Variants in LARGE1 observed in about 807,000 individuals in gnomAD.
The protein encoded by LARGE1 is LARGE xylosyl- and glucuronyltransferase 1, also known as xylosyl- and glucuronyltransferase LARGE1.
Under a neutral mutation model 87.6 loss-of-function variants are expected in LARGE1, and 43 were observed. The ratio of observed to expected loss-of-function variants is 0.49; its 90% CI spans 0.38 to 0.63. LARGE1 has a LOEUF of 0.63. Ranked by LOEUF, LARGE1 falls within the 30% of genes least tolerant of loss-of-function variation. LARGE1 has a pLI of 0.00. For missense variants in LARGE1, 802 were observed against 1,000.2 expected, an observed-to-expected ratio of 0.80 and a Z score of 2.67; for synonymous variants, 434 against 394.6, an observed-to-expected ratio of 1.10 and a Z score of -1.18.
intron 2 of LARGE1, among the ~76,000 whole-genome samples, chr22:33,662,481 T>G (rs979132370): frequency 6.6e-6 from 1 of 152,046 alleles, no homozygotes; most frequent in Non-Finnish European, 1.5e-5. Context: ...TCCCCACCCC[T>G]TGCCTAGCCT....
intron 11 of LARGE1, among the ~76,000 whole-genome samples, chr22:33,258,654 G>A (rs1927447193): frequency 6.6e-6 from 1 of 152,168 alleles, no homozygotes; most frequent in Non-Finnish European, 1.5e-5. Flanking sequence ...CCAATATCTT[G>A]AGAACAGAGG....
At chr22:33,124,247 G>A in the LARGE1 span, among the ~76,000 whole-genome samples, 329 of 151,866 alleles carry the variant, frequency 2.2e-3, no homozygotes, top group African/African-American at 6.8e-3. Flanking sequence ...AGGTTGCAGT[G>A]AGCCAAGATC....
intron 1 of LARGE1, among the ~76,000 whole-genome samples, chr22:33,802,364 G>A (rs552352529): frequency 1.3e-5 from 2 of 152,310 alleles, no homozygotes; most frequent in South Asian, 4.1e-4. Context: ...AGACTAGACA[G>A]GCTGGGAGTC....
intron 1 of LARGE1, among the ~76,000 whole-genome samples, chr22:33,868,940 T>C (rs2064190712): frequency 6.6e-6 from 1 of 152,110 alleles, no homozygotes; most frequent in Non-Finnish European, 1.5e-5. Flanking sequence ...AATTCTAAGA[T>C]GCCAGGCACT....
chr22:33,419,753 C>T (rs762862072), intron 7 of LARGE1, among the ~76,000 whole-genome samples: 7 of 152,216 alleles, frequency 4.6e-5, no homozygotes, highest in Admixed American at 1.3e-4. Flanking sequence ...TGTAGTGGCA[C>T]GATCTCAGCT....
intron 11 of LARGE1, among the ~76,000 whole-genome samples, chr22:33,194,675 G>A (rs1457858130): frequency 6.6e-6 from 1 of 152,122 alleles, no homozygotes; most frequent in Non-Finnish European, 1.5e-5. Context: ...TTGGTTTGTT[G>A]CTTCTTCTCT....
intron 3 of LARGE1, among the ~76,000 whole-genome samples, chr22:33,643,441 G>GC (rs2080506746): frequency 6.6e-6 from 1 of 152,180 alleles, no homozygotes; most frequent in South Asian, 2.1e-4. Flanking sequence ...ACAACAGAAA[G>GC]CAGGAAAGAT....
intron 5 of LARGE1, among the ~76,000 whole-genome samples, chr22:33,581,945 A>C (rs2078533402): frequency 1.3e-5 from 2 of 152,180 alleles, no homozygotes; most frequent in African/African-American, 4.8e-5. Context: ...GAATAAAATG[A>C]CACAAATCCA....
At chr22:33,441,324 T>C (rs2067468893) in intron 6 of LARGE1, among the ~76,000 whole-genome samples, 1 of 152,106 alleles carries the variant, frequency 6.6e-6, no homozygotes, top group Non-Finnish European at 1.5e-5. Context: ...TCCGCCCACC[T>C]CGGCCTCCCA....
intron 1 of LARGE1, among the ~76,000 whole-genome samples, chr22:33,785,369 T>C (rs2085608404): frequency 6.6e-6 from 1 of 152,080 alleles, no homozygotes. Context: ...TATTCAGATG[T>C]TACACAACTC....
At chr22:33,245,690 C>T (rs1040970818) in intron 11 of LARGE1, among the ~76,000 whole-genome samples, 5 of 152,212 alleles carry the variant, frequency 3.3e-5, no homozygotes, top group African/African-American at 1.2e-4. Flanking sequence ...GCACAGATCA[C>T]CTGAGGTCTG....
intron 1 of LARGE1, among the ~76,000 whole-genome samples, chr22:33,894,603 C>T (rs1024229046): frequency 2.6e-5 from 4 of 152,164 alleles, no homozygotes; most frequent in African/African-American, 9.7e-5. Context: ...GACATGGGAG[C>T]TGGCAGAAAA....
intron 4 of LARGE1, among the ~76,000 whole-genome samples, chr22:33,618,846 C>T (rs960545196): frequency 3.2e-4 from 48 of 152,220 alleles, no homozygotes; most frequent in African/African-American, 1.1e-3. Context: ...CCTAATTAAT[C>T]CACATCCTTC....
intron 11 of LARGE1, among the ~76,000 whole-genome samples, chr22:33,175,545 C>G (rs933646497): frequency 6.6e-6 from 1 of 152,076 alleles, no homozygotes; most frequent in African/African-American, 2.4e-5. Flanking sequence ...TGAGTGAACT[C>G]CCATTCACAA....
chr22:33,422,489 C>A (rs144271638), intron 7 of LARGE1, among the ~76,000 whole-genome samples: 3 of 150,658 alleles, frequency 2.0e-5, no homozygotes, highest in African/African-American at 7.3e-5. Context: ...AGACAGAGAA[C>A]GAGCTTGGAA....
chr22:33,483,585 T>C lies in LARGE1; in HGVS notation c.788-51320A>G, dbSNP rs899532479. On this transcript the variant is annotated intron_variant, in intron 6 of 14. Transcript: ENST00000397394. ...CTAGGCATTTAAGGAAAGAAACAGGTGAGTGTGGGCAAGGAAGTAGCCAAG... is the reference window on the plus strand; with the variant it reads ...CTAGGCATTTAAGGAAAGAAACAGGCGAGTGTGGGCAAGGAAGTAGCCAAG... Among the ~76,000 whole-genome samples the C allele has an allele frequency of 4.6e-5, 7 of 151,728 alleles. No homozygotes were observed. In the East Asian group the frequency reaches 1.4e-3, roughly 29 times the overall value.
chr22:33,392,898 T>C (rs1422815470), intron 7 of LARGE1, among the ~76,000 whole-genome samples: 1 of 152,182 alleles, frequency 6.6e-6, no homozygotes, highest in African/African-American at 2.4e-5. Flanking sequence ...CTTGAAATAT[T>C]TGCAATATTT....
At chr22:33,520,307 C>T (rs1051485581) in intron 6 of LARGE1, among the ~76,000 whole-genome samples, 11 of 152,098 alleles carry the variant, frequency 7.2e-5, no homozygotes, top group Admixed American at 1.3e-4. Flanking sequence ...AAACCCTGGG[C>T]TAAATCAATC....
chr22:33,241,236 T>G (rs1038669205), intron 11 of LARGE1, among the ~76,000 whole-genome samples: 5 of 152,284 alleles, frequency 3.3e-5, no homozygotes, highest in African/African-American at 1.2e-4. Context: ...CTCTCACATC[T>G]GGACCTGAGC....
Sources: gnomAD v4.1 joint callset for allele counts (sites outside exome capture counted in the v4.1 genomes callset) on GRCh38, gnomAD v4.1.1 for gene constraint, MANE v1.5 for transcripts, NCBI Gene and HGNC (gene_info 2026-07-23, HGNC 2026-07-21) for gene names.